The following TMPRSS6 variants were observed in gnomAD, a reference collection of about 807,000 sequenced individuals.
TMPRSS6 encodes transmembrane serine protease 6, also known as transmembrane protease serine 6.
In TMPRSS6, 67 loss-of-function variants were observed where a neutral mutation model predicts 101.5. The observed-to-expected ratio is 0.66, with a 90% CI of 0.54 to 0.81. The LOEUF (loss-of-function observed/expected upper bound fraction) is 0.81, where lower values mean the gene tolerates loss of function less well. TMPRSS6 is among the 30% of genes least tolerant of loss of function. The pLI, the probability that TMPRSS6 is intolerant of heterozygous loss-of-function variation, is 0.00. For synonymous variants in TMPRSS6, 453 were observed against 464.9 expected (o/e 0.97, Z 0.33); for missense variants, 1,034 against 1,088.7 (o/e 0.95, Z 0.71).
At chr22:37,091,359 AG>A (rs1929245236) in intron 6 of TMPRSS6, among the ~76,000 whole-genome samples, 1 of 152,184 alleles carries the variant, frequency 6.6e-6, no homozygotes, top group African/African-American at 2.4e-5. Context: ...GGAAGGCCAC[AG>A]GCAAGCAAAA....
In TMPRSS6 at chr22:37,069,457, C is replaced by T; in HGVS notation, c.1842-113G>A. On this transcript the variant is annotated intron_variant, in intron 15 of 17. Coordinates refer to ENST00000676104, the MANE Select transcript of TMPRSS6 (RefSeq NM_001374504.1). The surrounding 1 kb of genome is among the most constrained non-coding windows in gnomAD (Gnocchi z 4.8). ...GATCCCCGCCCGGGACAGTGCCCTCCACACCCAGCCCTCCCTTCCCTCCCT... is the reference window on the plus strand; with the variant it reads ...GATCCCCGCCCGGGACAGTGCCCTCTACACCCAGCCCTCCCTTCCCTCCCT... The T allele has an allele frequency of 1.9e-6, 2 of 1,047,904 alleles. No homozygotes were observed. The highest frequency in any genetic ancestry group is 2.8e-6 in the Non-Finnish European group (2 of 725,872). The allele number at this position is 1,047,904 out of a possible 1,614,324, so 64.9% of individuals were successfully genotyped here. A position where few individuals can be genotyped will look rare whatever the true frequency, so the allele number is the denominator to read the frequency against.
intron 9 of TMPRSS6, 125 bp from the exon 10 acceptor site, chr22:37,084,529 C>T (rs1462078448): frequency 1.2e-6 from 1 of 848,074 alleles, no homozygotes; most frequent in African/African-American, 1.7e-5. Flanking sequence ...GTCAGTCACT[C>T]AACAAACAGG....
chr22:37,077,066 G>T (rs553692723), intron 10 of TMPRSS6, among the ~76,000 whole-genome samples: 33 of 152,340 alleles, frequency 2.2e-4, no homozygotes, highest in Non-Finnish European at 4.4e-4. Flanking sequence ...TGAGCTTTGA[G>T]GCTGTTTTAA....
At chr22:37,102,363 G>A (rs533949013) in intron 2 of TMPRSS6, among the ~76,000 whole-genome samples, 6 of 152,340 alleles carry the variant, frequency 3.9e-5, no homozygotes, top group African/African-American at 1.4e-4. Context: ...GAGGTGCTTG[G>A]CACTGAGTAA....
intron 10 of TMPRSS6, among the ~76,000 whole-genome samples, chr22:37,078,326 C>T (rs1326771798): frequency 6.6e-6 from 1 of 152,182 alleles, no homozygotes; most frequent in Non-Finnish European, 1.5e-5. Context: ...AAGGCAAAGA[C>T]ACCTGTGCCT....
At chr22:37,068,355 GC>G (rs1235933157) in intron 16 of TMPRSS6, among the ~76,000 whole-genome samples, 2 of 152,216 alleles carry the variant, frequency 1.3e-5, no homozygotes, top group African/African-American at 2.4e-5. Context: ...TATCTCTGCG[GC>G]CCCGCCTGCT....
In TMPRSS6 at chr22:37,086,363, A is replaced by T. The variant is rs1047001801; in HGVS notation, c.893T>A (p.Ile298Asn). 5.6e-6 allele frequency: 9 copies of T among 1,612,302 alleles called. No homozygotes were observed. The Admixed American group carries it at 1.2e-4, about 21-fold the overall frequency. ...GCCCTTCTTCCAGACGACCGCCATG[A>T]TGGCCCCCGACGCCAGAACCTCCAC... is the stretch of plus-strand genomic sequence containing the variant. The part of the protein sequence containing the change: ...PVVEVLASGA[I>N]MAVVWKKGLH... Residue 298 changes from isoleucine to asparagine, a missense_variant, in exon 8 of 18, where the codon ATC (isoleucine) becomes AAC (asparagine). Transcript: ENST00000676104.
At position 37,103,441 on chromosome 22, in the gene TMPRSS6, T is replaced by A; in HGVS notation, c.-1-23A>T. ...ATCCTGCCAGGGAAACAGACCAAAGTTGGAAACAGCCTCGCATTTGCAAGG... is the reference window on the plus strand; with the variant it reads ...ATCCTGCCAGGGAAACAGACCAAAGATGGAAACAGCCTCGCATTTGCAAGG... On this transcript the variant is annotated intron_variant, in intron 1 of 17. Transcript: ENST00000676104. This position sits in a 1 kb window ranked among gnomAD's most constrained non-coding sequence, Gnocchi z 4.4. 1.2e-6 allele frequency: 2 copies of A among 1,614,166 alleles called. No individual in the cohort carries two copies. The highest frequency in any genetic ancestry group is 1.7e-6 in the Non-Finnish European group (2 of 1,180,034).
chr22:37,092,433 T>C (rs2146136212), intron 6 of TMPRSS6, among the ~76,000 whole-genome samples: 1 of 151,956 alleles, frequency 6.6e-6, no homozygotes. Flanking sequence ...GCTCGGGTGA[T>C]CCTCCCACCT....
At chr22:37,067,060 T>C in intron 16 of TMPRSS6, 98 bp from the exon 17 acceptor site, 1 of 1,565,896 alleles carries the variant, frequency 6.4e-7, no homozygotes, top group Non-Finnish European at 8.7e-7. Context: ...AGGAGCCTAC[T>C]TCTCTCCTGC....
chr22:37,089,815 C>G, intron 6 of TMPRSS6, 33 bp from the exon 7 acceptor site: 1 of 1,597,240 alleles, frequency 6.3e-7, no homozygotes, highest in Non-Finnish European at 8.5e-7. Context: ...GCCCCTGATT[C>G]CTGTGAGCCA....
At chr22:37,083,152 C>T (rs1254477023) in intron 10 of TMPRSS6, 3 of 456,340 alleles carry the variant, frequency 6.6e-6, no homozygotes, top group South Asian at 1.6e-5. Context: ...CCCAGAATTC[C>T]GAGGTTGGAA....
chr22:37,104,723 G>A (rs1187216480), intron 1 of TMPRSS6, among the ~76,000 whole-genome samples: 1 of 152,176 alleles, frequency 6.6e-6, no homozygotes, highest in Non-Finnish European at 1.5e-5. Context: ...CACTTTGGGA[G>A]GCTGAGGTGA....
chr22:37,073,414 G>A, intron 13 of TMPRSS6, 118 bp downstream of exon 13: 1 of 672,590 alleles, frequency 1.5e-6, no homozygotes, highest in African/African-American at 1.7e-5. Flanking sequence ...ACATACAGAT[G>A]TAAATACAGA....
In TMPRSS6 at chr22:37,086,299, C is replaced by CTCCG. The variant is rs1928760626; in HGVS notation, c.956_957insCGGA (p.Gln319HisfsTer10). The CTCCG allele has an allele frequency of 3.1e-6, 5 of 1,614,038 alleles. No homozygotes were observed. The highest frequency in any genetic ancestry group is 4.2e-6 in the Non-Finnish European group (5 of 1,180,016). ...ACCTCTCACCCTGGAAGACCACCGG[C>CTCCG]TGCACGGAGAGCACGAAGGGGTCGT... On this transcript the variant is annotated frameshift_variant, in exon 8 of 18. Transcript: ENST00000676104. LOFTEE classifies it high-confidence loss of function.
At chr22:37,084,163 C>A in intron 10 of TMPRSS6, 132 bp downstream of exon 10, 4 of 804,176 alleles carry the variant, frequency 5.0e-6, no homozygotes, top group Non-Finnish European at 6.3e-6. Flanking sequence ...CCAGCCCCAG[C>A]CTCTGCTCGC....
intron 9 of TMPRSS6, 133 bp downstream of exon 9, chr22:37,084,594 G>A: frequency 1.2e-6 from 1 of 867,728 alleles, no homozygotes; most frequent in Non-Finnish European, 1.9e-6. Flanking sequence ...CACCCTGGCA[G>A]GATGTGTACC....
chr22:37,105,261 C>A (rs1036531842), intron 1 of TMPRSS6, among the ~76,000 whole-genome samples: 1 of 152,198 alleles, frequency 6.6e-6, no homozygotes, highest in Non-Finnish European at 1.5e-5. Context: ...CCTCACTGGG[C>A]ATGACATCCC....
At chr22:37,085,387 T>A (rs1378353837) in intron 8 of TMPRSS6, among the ~76,000 whole-genome samples, 1 of 152,106 alleles carries the variant, frequency 6.6e-6, no homozygotes, top group Non-Finnish European at 1.5e-5. Context: ...AGGGAACAGC[T>A]CTGCTACCCA....
Sources: gnomAD v4.1 joint callset for allele counts (sites outside exome capture counted in the v4.1 genomes callset) on GRCh38, gnomAD v4.1.1 for gene constraint, Gnocchi (gnomAD v3.1) non-coding constraint, MANE v1.5 for transcripts, NCBI Gene and HGNC (gene_info 2026-07-23, HGNC 2026-07-21) for gene names.